The following CAPN8 variants were observed in gnomAD, a reference collection of about 807,000 sequenced individuals.
CAPN8 encodes calpain 8, also known as calpain-8.
CAPN8 carries 87 observed loss-of-function variants against 80.9 expected under a neutral mutation model. The ratio of observed to expected loss-of-function variants is 1.07; its 90% confidence interval spans 0.90 to 1.28. CAPN8 has a LOEUF of 1.28. Ranked by LOEUF, CAPN8 falls within the 50% of genes most tolerant of loss-of-function variation. The pLI, the probability that CAPN8 is intolerant of heterozygous loss-of-function variation, is 0.00. For synonymous variants in CAPN8, 299 were observed against 273.8 expected (o/e 1.09, Z -0.91); for missense variants, 757 against 702.0 (o/e 1.08, Z -0.89).
At chr1:223,625,193 T>C (rs1657531614) in intron 6 of CAPN8, among the ~76,000 whole-genome samples, 1 of 152,252 alleles carries the variant, frequency 6.6e-6, no homozygotes, top group East Asian at 1.9e-4. Flanking sequence ...TTTCCATGAC[T>C]CTACCCCACC....
intron 2 of CAPN8, among the ~76,000 whole-genome samples, chr1:223,650,225 C>T (rs889420551): frequency 6.6e-6 from 1 of 152,148 alleles, no homozygotes; most frequent in African/African-American, 2.4e-5. Context: ...AGGGAGAGTG[C>T]AGGCTGGGCC....
chr1:223,626,644 C>T (rs936050404), intron 5 of CAPN8, among the ~76,000 whole-genome samples: 2 of 152,132 alleles, frequency 1.3e-5, no homozygotes, highest in African/African-American at 2.4e-5. Flanking sequence ...TTTCCAAAAC[C>T]TCAAGATTAT....
intron 2 of CAPN8, among the ~76,000 whole-genome samples, chr1:223,639,223 G>A (rs1242138288): frequency 6.6e-6 from 1 of 152,186 alleles, no homozygotes; most frequent in Middle Eastern, 3.2e-3. Context: ...CTGGTTCACA[G>A]AGCAAGATTC....
At chr1:223,543,250 A>G (rs565906476) in intron 19 of CAPN8, 84 bp from the exon 20 acceptor site, 2 of 1,457,586 alleles carry the variant, frequency 1.4e-6, no homozygotes, top group Admixed American at 4.1e-5. Flanking sequence ...TGTCTACCCC[A>G]TCCCCACCTG....
rs570810273 is a variant in CAPN8, at chr1:223,665,658, C to G, written c.-12G>C. On this transcript the variant is annotated 5_prime_UTR_variant, in exon 1 of 21. Transcript: ENST00000366872. ...GCCTGGGCTGCCATGGCCGTGGGCT[C>G]TGTAGGGTGGACAGAAGGGCAGGGC... 3.4e-5 allele frequency: 52 copies of G among 1,549,146 alleles called. No homozygotes were observed. In the African/African-American group the frequency reaches 5.9e-4, roughly 18 times the overall value.
rs115349188 is a variant in CAPN8 at position 223,610,436 on chromosome 1, T to C, written c.1324-1072A>G. 9.0e-3 allele frequency among the ~76,000 whole-genome samples: 1,364 copies of C among 152,312 alleles called. 24 individuals carry two copies. Among genetic ancestry groups the C allele is most frequent in the African/African-American group, 0.03 (1,234 of 41,568 alleles). ...AATGCTTACATTCTGGGCAGGAGAA[T>C]GCTGGTGGTGTGGCCAGAGAGGATG... is the stretch of plus-strand genomic sequence containing the variant. On this transcript the variant is annotated intron_variant, in intron 11 of 20. Transcript: ENST00000366872.
chr1:223,629,094 G>T (rs1280265389), intron 2 of CAPN8: 3 of 343,550 alleles, frequency 8.7e-6, no homozygotes, highest in Non-Finnish European at 1.1e-5. Flanking sequence ...GGAGAGAAAA[G>T]AAAAGAAAAT....
At chr1:223,551,110 C>A in intron 14 of CAPN8, 93 bp from the exon 15 acceptor site, 1 of 676,986 alleles carries the variant, frequency 1.5e-6, no homozygotes, top group Admixed American at 2.3e-5. Context: ...CAGTCAGACA[C>A]CAGGCCCACT....
intron 2 of CAPN8, among the ~76,000 whole-genome samples, chr1:223,648,488 G>A (rs1454908016): frequency 6.6e-6 from 1 of 152,214 alleles, no homozygotes; most frequent in African/African-American, 2.4e-5. Flanking sequence ...AAGGTGTCCA[G>A]GAAAGTGATC....
At chr1:223,652,357 T>G (rs1461798525) in intron 2 of CAPN8, among the ~76,000 whole-genome samples, 5 of 151,958 alleles carry the variant, frequency 3.3e-5, no homozygotes, top group Non-Finnish European at 7.4e-5. Context: ...TATATATATA[T>G]AAACATCTTT....
chr1:223,617,817 G>A (rs1657247241), intron 9 of CAPN8: 1 of 169,274 alleles, frequency 5.9e-6, no homozygotes. Flanking sequence ...CCCATCTGGA[G>A]GACTAGGAAA....
rs575670383 is a variant in CAPN8, at chr1:223,630,290, C to T, written c.308-1510G>A. Among the ~76,000 whole-genome samples, 16 of 133,458 alleles carry T rather than the reference C, an allele frequency of 1.2e-4. 1 individual carries two copies. The Middle Eastern group carries it at 0.015, about 126-fold the overall frequency. 87.6% of individuals were successfully genotyped at this position (133,458 alleles called of 152,430 possible). A position where few individuals can be genotyped will look rare whatever the true frequency, so the allele number is the denominator to read the frequency against. On this transcript the variant is annotated intron_variant, in intron 2 of 20. Coordinates refer to ENST00000366872, the MANE Select transcript of CAPN8 (RefSeq NM_001143962.2). Reference sequence around the variant, plus strand: ...TGTCTGTCTGTCTCTCTCTCTCTCCCGCTCACTCGCTCTCTCTCTCTGTCT... The same window carrying T: ...TGTCTGTCTGTCTCTCTCTCTCTCCTGCTCACTCGCTCTCTCTCTCTGTCT...
At chr1:223,547,199 CCTG>C (rs1656646615) in intron 16 of CAPN8, among the ~76,000 whole-genome samples, 1 of 152,084 alleles carries the variant, frequency 6.6e-6, no homozygotes, top group African/African-American at 2.4e-5. Flanking sequence ...GGCATCAGCC[CCTG>C]CGCCCCGTCA....
At chr1:223,639,709 C>T (rs1657998135) in intron 2 of CAPN8, among the ~76,000 whole-genome samples, 1 of 152,254 alleles carries the variant, frequency 6.6e-6, no homozygotes, top group South Asian at 2.1e-4. Context: ...CTTCTTTGCT[C>T]AAATAAACTT....
intron 20 of CAPN8, among the ~76,000 whole-genome samples, chr1:223,542,157 A>G (rs946948145): frequency 6.6e-6 from 1 of 151,956 alleles, no homozygotes; most frequent in African/African-American, 2.4e-5. Flanking sequence ...AGTGTATACT[A>G]TTATATACAC....
intron 2 of CAPN8, among the ~76,000 whole-genome samples, chr1:223,641,817 C>T (rs867641002): frequency 3.9e-5 from 6 of 152,156 alleles, no homozygotes; most frequent in African/African-American, 9.7e-5. Flanking sequence ...ATTTGTTCTC[C>T]GCTGTTTCCT....
At chr1:223,546,013 T>C (rs1407439598) in intron 16 of CAPN8, among the ~76,000 whole-genome samples, 3 of 138,492 alleles carry the variant, frequency 2.2e-5, no homozygotes, top group Non-Finnish European at 4.7e-5. Flanking sequence ...TTTTTTTTTT[T>C]AGTAGAGATG....
intron 1 of CAPN8, among the ~76,000 whole-genome samples, chr1:223,658,396 C>T (rs764168129): frequency 2.2e-4 from 34 of 152,248 alleles, no homozygotes; most frequent in Non-Finnish European, 1.6e-4. Flanking sequence ...CATTTTACTA[C>T]GTGGTACTCA....
intron 12 of CAPN8, 126 bp from the exon 13 acceptor site, chr1:223,558,293 A>G (rs1471863272): frequency 5.1e-6 from 2 of 394,438 alleles, no homozygotes; most frequent in East Asian, 3.6e-5. Context: ...CTCATTTCCT[A>G]CTAAAAACTG....
Sources: gnomAD v4.1 joint callset for allele counts (sites outside exome capture counted in the v4.1 genomes callset) on GRCh38, gnomAD v4.1.1 for gene constraint, MANE v1.5 for transcripts, NCBI Gene and HGNC (gene_info 2026-07-23, HGNC 2026-07-21) for gene names.